Variants in SEL1L2 observed in about 807,000 individuals in gnomAD.
SEL1L2 encodes protein sel-1 homolog 2.
In SEL1L2, 89 loss-of-function variants were observed where a neutral mutation model predicts 98.8. The observed-to-expected ratio is 0.90, with a 90% CI of 0.76 to 1.07. The LOEUF (loss-of-function observed/expected upper bound fraction) is 1.07, where lower values mean the gene tolerates loss of function less well. Ranked by LOEUF, SEL1L2 falls within the 50% of genes least tolerant of loss-of-function variation. SEL1L2 has a pLI of 0.00. For missense variants in SEL1L2, 788 were observed against 812.0 expected (o/e 0.97, Z 0.36); for synonymous variants, 262 against 278.5 (o/e 0.94, Z 0.59).
chr20:13,917,245 A>G (rs1277181308), intron 4 of SEL1L2, among the ~76,000 whole-genome samples: 1 of 152,124 alleles, frequency 6.6e-6, no homozygotes, highest in Non-Finnish European at 1.5e-5. Flanking sequence ...TGGGCATGTT[A>G]GTGAGATGAG....
chr20:13,856,863 A>C (rs1440429612), intron 18 of SEL1L2, among the ~76,000 whole-genome samples: 1 of 152,178 alleles, frequency 6.6e-6, no homozygotes, highest in Non-Finnish European at 1.5e-5. Context: ...ACTAGTTTGC[A>C]TGAGGATTAA....
chr20:13,951,195 T>C (rs951248229), intron 2 of SEL1L2, among the ~76,000 whole-genome samples: 34 of 134,202 alleles, frequency 2.5e-4, no homozygotes, highest in Non-Finnish European at 6.1e-5. Flanking sequence ...GAGAATGGCG[T>C]GAATCTGGGA....
intron 1 of SEL1L2, among the ~76,000 whole-genome samples, chr20:13,988,983 A>C (rs1441829025): frequency 3.3e-5 from 5 of 152,250 alleles, no homozygotes; most frequent in Non-Finnish European, 7.3e-5. Context: ...ATTGCACTCC[A>C]GCCTGGGCAA....
At chr20:13,938,372 C>T (rs1382284555) in intron 2 of SEL1L2, among the ~76,000 whole-genome samples, 3 of 152,142 alleles carry the variant, frequency 2.0e-5, no homozygotes, top group Non-Finnish European at 4.4e-5. Flanking sequence ...AGCCACTGCG[C>T]CTGGTCCAGA....
At chr20:13,932,407 A>AATTATTATT (rs140408055) in intron 2 of SEL1L2, among the ~76,000 whole-genome samples, 10 of 144,928 alleles carry the variant, frequency 6.9e-5, no homozygotes, top group Non-Finnish European at 1.2e-4. Flanking sequence ...TTCCTTTGTC[A>AATTATTATT]ATTATTATTA....
intron 1 of SEL1L2, among the ~76,000 whole-genome samples, chr20:13,957,381 C>T (rs927531369): frequency 7.9e-5 from 12 of 152,266 alleles, no homozygotes; most frequent in Admixed American, 1.3e-4. Flanking sequence ...GGATTACAGG[C>T]GTGAGCTGCT....
chr20:13,923,348 A>G (rs1429790676), intron 3 of SEL1L2, among the ~76,000 whole-genome samples: 1 of 152,184 alleles, frequency 6.6e-6, no homozygotes, highest in Non-Finnish European at 1.5e-5. Flanking sequence ...ATGGCTTGTA[A>G]TTTTATTGCA....
intron 18 of SEL1L2, among the ~76,000 whole-genome samples, chr20:13,858,485 T>G (rs1471399781): frequency 1.3e-5 from 2 of 152,198 alleles, no homozygotes; most frequent in Non-Finnish European, 2.9e-5. Context: ...GGCTTCCTGA[T>G]GCATACACAG....
intron 1 of SEL1L2, among the ~76,000 whole-genome samples, chr20:13,977,697 G>A (rs866322230): frequency 1.4e-4 from 21 of 152,234 alleles, no homozygotes; most frequent in Middle Eastern, 3.4e-3. Flanking sequence ...TTCTGCAAGG[G>A]GGTCTGTTCC....
rs749147852 is a variant in SEL1L2, at chr20:13,869,557, C to T, written c.1201G>A (p.Ala401Thr). ...GCGTCGGGCCACCCTTTTTCCGCAG[C>T]TTTCTGAAAGTATTTAAGTGCTTCG... Reference protein sequence around the residue: ...YAEALKYFQKAAEKGWPDAQF... With the variant: ...YAEALKYFQKTAEKGWPDAQF... The change falls in exon 14 of 20, where the codon GCT (alanine) becomes ACT (threonine). Residue 401 changes from alanine (A) to threonine (T), a missense_variant. Transcript: ENST00000284951. The T allele has an allele frequency of 2.5e-6, 4 of 1,614,112 alleles. No homozygotes were observed. The South Asian group carries it at 4.4e-5, about 18-fold the overall frequency.
intron 10 of SEL1L2, among the ~76,000 whole-genome samples, chr20:13,882,345 T>C (rs1295828064): frequency 6.6e-6 from 1 of 152,164 alleles, no homozygotes; most frequent in East Asian, 1.9e-4. Context: ...GCTCTGCCCA[T>C]TGAGAGGAGA....
chr20:13,904,291 G>A (rs1389756751), intron 5 of SEL1L2, among the ~76,000 whole-genome samples: 1 of 152,178 alleles, frequency 6.6e-6, no homozygotes, highest in Non-Finnish European at 1.5e-5. Flanking sequence ...CACTTTGGGA[G>A]GCCGAGGTGA....
At chr20:13,888,633 C>CTATTT in intron 5 of SEL1L2, 121 bp from the exon 6 acceptor site, 2 of 232,080 alleles carry the variant, frequency 8.6e-6, no homozygotes, top group Non-Finnish European at 1.5e-5. Context: ...TTCTTTCTTT[C>CTATTT]TCTTTTTTTT....
chr20:13,927,858 T>G (rs2048967145), intron 3 of SEL1L2: 1 of 152,242 alleles, frequency 6.6e-6, no homozygotes, highest in Non-Finnish European at 1.5e-5. Flanking sequence ...AGCTTCTCCG[T>G]GGCTTCCTCT....
chr20:13,926,686 G>A (rs1469586664), intron 3 of SEL1L2, among the ~76,000 whole-genome samples: 1 of 152,218 alleles, frequency 6.6e-6, no homozygotes, highest in Non-Finnish European at 1.5e-5. Flanking sequence ...ATAGTTCCTC[G>A]TTGAAGGGGG....
chr20:13,860,625 C>T (rs1989960166), intron 17 of SEL1L2, among the ~76,000 whole-genome samples: 1 of 152,046 alleles, frequency 6.6e-6, no homozygotes, highest in South Asian at 2.1e-4. Context: ...CAACGGCTCG[C>T]TCCCAACTCC....
chr20:13,861,714 A>G (rs1047203824), intron 17 of SEL1L2, among the ~76,000 whole-genome samples: 3 of 152,130 alleles, frequency 2.0e-5, no homozygotes, highest in Non-Finnish European at 4.4e-5. Flanking sequence ...AAATCCTCCA[A>G]TGACTTTGCT....
At chr20:13,959,875 C>G (rs2050703672) in intron 1 of SEL1L2, among the ~76,000 whole-genome samples, 1 of 152,124 alleles carries the variant, frequency 6.6e-6, no homozygotes, top group Admixed American at 6.5e-5. Flanking sequence ...ACTTTTGCAC[C>G]AACCTAATGC....
chr20:13,949,844 C>A (rs1569026050), intron 2 of SEL1L2, among the ~76,000 whole-genome samples: 1 of 152,158 alleles, frequency 6.6e-6, no homozygotes, highest in Non-Finnish European at 1.5e-5. Flanking sequence ...CCAGTATTGC[C>A]ACTTTTGAGT....
Sources: allele counts gnomAD v4.1 joint callset (sites outside exome capture counted in the v4.1 genomes callset), GRCh38; gene constraint gnomAD v4.1.1; transcripts MANE v1.5; gene names NCBI Gene and HGNC (gene_info 2026-07-23, HGNC 2026-07-21).